The following EPS8 variants were observed in gnomAD, a reference collection of about 807,000 sequenced individuals.
The protein encoded by EPS8 is EGFR pathway substrate 8, signaling adaptor.
In EPS8, 42 loss-of-function variants were observed where a neutral mutation model predicts 103.8. The observed-to-expected ratio is 0.40, with a 90% CI of 0.32 to 0.52. The LOEUF is 0.52. Among genes scored for constraint, EPS8 ranks in the 20% least tolerant of loss-of-function variants. The pLI is 0.40. For synonymous variants in EPS8, 344 were observed against 344.6 expected (o/e 1.00, Z 0.02); for missense variants, 969 against 1,005.1 (o/e 0.96, Z 0.49).
chr12:15,663,722 A>G (rs1315377077), intron 8 of EPS8, among the ~76,000 whole-genome samples: 1 of 151,560 alleles, frequency 6.6e-6, no homozygotes, highest in African/African-American at 2.4e-5. Context: ...CAGGAGATCA[A>G]GACAATCCTG....
rs752827840 is a variant in EPS8, at chr12:15,704,724, G to A, written c.-21-21752C>T. 7.2e-5 allele frequency among the ~76,000 whole-genome samples: 11 copies of A among 152,124 alleles called. No homozygotes were observed. Among genetic ancestry groups the A allele is most frequent in the Non-Finnish European group, 1.0e-4 (7 of 68,008 alleles). On this transcript the variant is annotated intron_variant, in intron 1 of 20. Transcript: ENST00000281172. The surrounding 1 kb of genome is among the most constrained non-coding windows in gnomAD (Gnocchi z 4.6). ...TATACATTTAAAGATGGTTAAGTTG[G>A]TAAATTTAATATCAACTTTATCACA...
intron 1 of EPS8, among the ~76,000 whole-genome samples, chr12:15,708,882 A>T (rs1946423651): frequency 6.6e-6 from 1 of 152,222 alleles, no homozygotes; most frequent in African/African-American, 2.4e-5. Flanking sequence ...CCCTAGTAAG[A>T]GCTGTCCTTT....
chr12:15,622,619 C>T lies in EPS8; in HGVS notation c.2355+539G>A, dbSNP rs376954170. Among the ~76,000 whole-genome samples, 74 of 152,180 alleles carry T rather than the reference C, an allele frequency of 4.9e-4. 1 individual carries two copies. Among genetic ancestry groups the T allele is most frequent in the African/African-American group, 1.7e-3 (72 of 41,528 alleles). On this transcript the variant is annotated intron_variant, in intron 20 of 20. Coordinates refer to ENST00000281172, the MANE Select transcript of EPS8 (RefSeq NM_004447.6). ...GTATAAAGCAATCTAGAAAACATGA[C>T]TCTCCTGCTTTCATACAGACCATTG...
intron 1 of EPS8, among the ~76,000 whole-genome samples, chr12:15,720,879 G>A (rs1012459878): frequency 2.0e-5 from 3 of 152,154 alleles, no homozygotes; most frequent in Admixed American, 1.3e-4. Flanking sequence ...CTTGCTCAGA[G>A]AAGCACACCC....
chr12:15,711,778 A>T (rs555094153), intron 1 of EPS8, among the ~76,000 whole-genome samples: 1 of 152,330 alleles, frequency 6.6e-6, no homozygotes, highest in East Asian at 1.9e-4. Flanking sequence ...ACAGTATATA[A>T]GGGTCTTAAG....
At chr12:15,732,899 G>T in intron 1 of EPS8, 1 of 222,080 alleles carries the variant, frequency 4.5e-6, no homozygotes, top group Non-Finnish European at 7.6e-6. Context: ...GAATAAGTAA[G>T]CTATGTGAGG....
intron 1 of EPS8, among the ~76,000 whole-genome samples, chr12:15,692,861 T>G (rs748613567): frequency 1.5e-4 from 23 of 152,166 alleles, no homozygotes; most frequent in Non-Finnish European, 2.8e-4. Context: ...AAGCTTCCTT[T>G]TCTTTTAGTG....
Position 15,714,278 on chromosome 12 carries a change from AAAG to A in EPS8, c.-21-31309_-21-31307del, listed in dbSNP as rs1946503639. On this transcript the variant is annotated intron_variant, in intron 1 of 20. Coordinates refer to ENST00000281172, the MANE Select transcript of EPS8 (RefSeq NM_004447.6). The surrounding 1 kb of genome is among the most constrained non-coding windows in gnomAD (Gnocchi z 4.1). ...ATTATTAAAGAAATGGAGAGAGAAA[AAAG>A]AGCCTATAAAGAACATAAAACTAAA... 6.6e-6 allele frequency among the ~76,000 whole-genome samples: 1 copy of A among 152,174 alleles called. No homozygotes were observed. Among genetic ancestry groups the A allele is most frequent in the Non-Finnish European group, 1.5e-5 (1 of 68,032 alleles).
At position 15,705,244 on chromosome 12, in the gene EPS8, C is replaced by T. The variant is rs149735253; in HGVS notation, c.-21-22272G>A. Among the ~76,000 whole-genome samples, 884 of 152,286 alleles carry T rather than the reference C, an allele frequency of 5.8e-3. 8 individuals carry two copies. Among genetic ancestry groups the T allele is most frequent in the African/African-American group, 0.021 (854 of 41,554 alleles). ...AGTAGGACTCCTTGCTTCACCCCTA[C>T]ACACTGATCTCAGTCTACTGAGGAG... On this transcript the variant is annotated intron_variant, in intron 1 of 20. Coordinates refer to ENST00000281172, the MANE Select transcript of EPS8 (RefSeq NM_004447.6).
rs923561596 is a variant in EPS8 at position 15,670,902 on chromosome 12, C to T, written c.158G>A (p.Arg53Gln). ...ATCTGACACACTGCTGACACTGTCCCGTGCATAATTCTTCCTTTGTTCTGA... is the reference window on the plus strand; with the variant it reads ...ATCTGACACACTGCTGACACTGTCCTGTGCATAATTCTTCCTTTGTTCTGA... ...ALYEQRKNYARDSVSSVSDIS... is the reference protein window; with the variant it reads ...ALYEQRKNYAQDSVSSVSDIS... Residue 53 changes from arginine to glutamine, a missense_variant, in exon 4 of 21, where the codon CGG becomes CAG. By Grantham distance (43) the Arg-to-Gln change is conservative (BLOSUM62 1). Transcript: ENST00000281172. 5 of 1,611,936 alleles carry T rather than the reference C, an allele frequency of 3.1e-6. No homozygotes were observed. Among genetic ancestry groups the T allele is most frequent in the Middle Eastern group, 1.7e-4 (1 of 6,058 alleles).
chr12:15,744,990 A>T (rs1361474614), intron 1 of EPS8, among the ~76,000 whole-genome samples: 1 of 152,046 alleles, frequency 6.6e-6, no homozygotes, highest in African/African-American at 2.4e-5. Flanking sequence ...CAGCCTCCCA[A>T]GTAGCTGGGA....
At chr12:15,755,613 G>C (rs1317947736) in intron 1 of EPS8, among the ~76,000 whole-genome samples, 1 of 152,116 alleles carries the variant, frequency 6.6e-6, no homozygotes, top group African/African-American at 2.4e-5. Flanking sequence ...ATTCATCTTG[G>C]AACCACCTGA....
At chr12:15,671,887 T>C (rs561760211) in intron 3 of EPS8, 1 of 152,170 alleles carries the variant, frequency 6.6e-6, no homozygotes, top group African/African-American at 2.4e-5. Flanking sequence ...AACAGAATGC[T>C]ATGATGAAAA....
At chr12:15,630,204 T>TCACC (rs1555104925) in intron 18 of EPS8, among the ~76,000 whole-genome samples, 1 of 148,906 alleles carries the variant, frequency 6.7e-6, no homozygotes, top group Non-Finnish European at 1.5e-5. Flanking sequence ...TCTCTCTCAC[T>TCACC]CACACACACA....
chr12:15,634,775 T>G (rs1181494066), intron 17 of EPS8: 1 of 398,546 alleles, frequency 2.5e-6, no homozygotes, highest in Admixed American at 4.4e-5. Flanking sequence ...ATTAGGAAAA[T>G]GGAGCAAATC....
chr12:15,647,289 A>T, intron 14 of EPS8, 29 bp from the exon 15 acceptor site: 3 of 1,598,588 alleles, frequency 1.9e-6, no homozygotes. Context: ...CAGATTAAAG[A>T]ATCACCAAAT....
chr12:15,760,132 T>C lies in EPS8; in HGVS notation c.-22+29029A>G, dbSNP rs1947026159. On this transcript the variant is annotated intron_variant, in intron 1 of 20. Transcript: ENST00000281172. This position sits in a 1 kb window ranked among gnomAD's most constrained non-coding sequence, Gnocchi z 4.5. ...ATGAAAAAGTAGACATTACAGCTGA[T>C]ACCACAGAAATTCAAAGGATCATTA... Among the ~76,000 whole-genome samples the C allele has an allele frequency of 6.6e-6, 1 of 151,996 alleles. No individual in the cohort carries two copies. The highest frequency in any genetic ancestry group is 2.4e-5 in the African/African-American group (1 of 41,422).
Position 15,757,350 on chromosome 12 carries a change from G to A in EPS8, c.-22+31811C>T, listed in dbSNP as rs1301749182. Reference sequence around the variant, plus strand: ...GTATTTATTTAAGATGAAGAGATGGGCCAGGCACAGTGGCTCACACCTGGA... The same window carrying A: ...GTATTTATTTAAGATGAAGAGATGGACCAGGCACAGTGGCTCACACCTGGA... On this transcript the variant is annotated intron_variant, in intron 1 of 20. Coordinates refer to ENST00000281172, the MANE Select transcript of EPS8 (RefSeq NM_004447.6). The surrounding 1 kb of genome is among the most constrained non-coding windows in gnomAD (Gnocchi z 4.1). 6.6e-6 allele frequency among the ~76,000 whole-genome samples: 1 copy of A among 152,142 alleles called. No individual in the cohort carries two copies. The highest frequency in any genetic ancestry group is 2.4e-5 in the African/African-American group (1 of 41,426).
chr12:15,710,039 G>A (rs567023174), intron 1 of EPS8, among the ~76,000 whole-genome samples: 3 of 152,060 alleles, frequency 2.0e-5, no homozygotes, highest in South Asian at 2.1e-4. Flanking sequence ...TCTGCTGTGC[G>A]GCCCAGTTCC....
Sources: gnomAD v4.1 joint callset for allele counts (sites outside exome capture counted in the v4.1 genomes callset) on GRCh38, gnomAD v4.1.1 for gene constraint, Gnocchi (gnomAD v3.1) non-coding constraint, MANE v1.5 for transcripts, NCBI Gene and HGNC (gene_info 2026-07-23, HGNC 2026-07-21) for gene names.